The following RCOR1 variants were observed in gnomAD, a reference collection of about 807,000 sequenced individuals.
RCOR1 encodes REST corepressor 1, also known as REST corepressor.
In RCOR1, 12 loss-of-function variants were observed where a neutral mutation model predicts 64.0. The ratio of observed to expected loss-of-function variants is 0.19; its 90% confidence interval spans 0.12 to 0.30. RCOR1 has a LOEUF of 0.30. RCOR1 is among the 10% of genes least tolerant of loss of function. The pLI is 1.00. For synonymous variants in RCOR1, 279 were observed against 227.2 expected (o/e 1.23, Z -2.05); for missense variants, 502 against 621.2 (o/e 0.81, Z 2.04).
At chr14:102,622,305 C>T (rs778305543) in intron 2 of RCOR1, among the ~76,000 whole-genome samples, 6 of 152,136 alleles carry the variant, frequency 3.9e-5, no homozygotes, top group Non-Finnish European at 8.8e-5. Flanking sequence ...ACACTGCCAG[C>T]CCGAAGGCTT....
intron 3 of RCOR1, among the ~76,000 whole-genome samples, chr14:102,690,942 G>T (rs1308224392): frequency 6.6e-6 from 1 of 152,170 alleles, no homozygotes; most frequent in South Asian, 2.1e-4. Context: ...GGATTCCCCT[G>T]GATAGAGATT....
intron 3 of RCOR1, among the ~76,000 whole-genome samples, chr14:102,688,734 T>C (rs1567436395): frequency 1.3e-5 from 2 of 152,178 alleles, no homozygotes; most frequent in East Asian, 3.8e-4. Flanking sequence ...GGTGCACTGT[T>C]CCATCATTTA....
intron 2 of RCOR1, among the ~76,000 whole-genome samples, chr14:102,634,959 C>T (rs1215205526): frequency 1.3e-5 from 2 of 151,026 alleles, no homozygotes; most frequent in South Asian, 4.2e-4. Context: ...CCGCCCACCT[C>T]GGCCTCCCAA....
At chr14:102,686,984 C>A (rs1895434784) in intron 3 of RCOR1, among the ~76,000 whole-genome samples, 1 of 152,202 alleles carries the variant, frequency 6.6e-6, no homozygotes, top group Non-Finnish European at 1.5e-5. Context: ...GGACTTCATT[C>A]TTTTCAGTGT....
rs58262477 is a variant in RCOR1 at position 102,725,089 on chromosome 14, G to T, written c.1420-1379G>T. Among the ~76,000 whole-genome samples, 910 of 152,318 alleles carry T rather than the reference G, an allele frequency of 6.0e-3. 9 individuals carry two copies. Among genetic ancestry groups the T allele is most frequent in the African/African-American group, 0.021 (878 of 41,562 alleles). Reference sequence around the variant, plus strand: ...TCATAGTTATTTGACGTGGACAAGGGTGGGTTGGGAACAGTGTCATATCCA... The same window carrying T: ...TCATAGTTATTTGACGTGGACAAGGTTGGGTTGGGAACAGTGTCATATCCA... On this transcript the variant is annotated intron_variant, in intron 11 of 11. Transcript: ENST00000262241.
At chr14:102,677,544 G>T (rs1431476440) in intron 2 of RCOR1, among the ~76,000 whole-genome samples, 1 of 105,272 alleles carries the variant, frequency 9.5e-6, no homozygotes, top group African/African-American at 3.9e-5. Context: ...CAGCAGAGGC[G>T]CTCCTCACAT....
chr14:102,652,622 C>T (rs1364709843), intron 2 of RCOR1, among the ~76,000 whole-genome samples: 2 of 152,170 alleles, frequency 1.3e-5, no homozygotes, highest in Non-Finnish European at 2.9e-5. Context: ...TTCATTGAGA[C>T]TCTAATTTGG....
intron 2 of RCOR1, among the ~76,000 whole-genome samples, chr14:102,639,829 C>A (rs1191893513): frequency 1.1e-5 from 1 of 92,524 alleles, no homozygotes; most frequent in African/African-American, 3.9e-5. Flanking sequence ...CTGAGCTCAG[C>A]CTATTCATTC....
intron 2 of RCOR1, among the ~76,000 whole-genome samples, chr14:102,627,340 T>G (rs1166051299): frequency 6.6e-6 from 1 of 152,226 alleles, no homozygotes; most frequent in Non-Finnish European, 1.5e-5. Context: ...ATCAGCGTAT[T>G]AAACGGGCTA....
At chr14:102,647,096 A>G (rs1321660701) in intron 2 of RCOR1, among the ~76,000 whole-genome samples, 1 of 152,204 alleles carries the variant, frequency 6.6e-6, no homozygotes, top group Non-Finnish European at 1.5e-5. Context: ...ACAAATCTCC[A>G]CATTGAGCAG....
At position 102,721,143 on chromosome 14, in the gene RCOR1, T is replaced by G. The variant is rs1419089308; in HGVS notation, c.1131+59T>G. ...ATTCAAGTTTTACATGTTTAAGAAT[T>G]TAATATCGGTGTGATACATCCCCAG... On this transcript the variant is annotated intron_variant, in intron 9 of 11. Transcript: ENST00000262241. 3 of 1,156,988 alleles carry G rather than the reference T, an allele frequency of 2.6e-6. No homozygotes were observed. In the African/African-American group the frequency reaches 4.6e-5, roughly 18 times the overall value. The allele number at this position is 1,156,988 out of a possible 1,614,324, so 71.7% of individuals were successfully genotyped here.
At chr14:102,645,593 C>A (rs180845872) in intron 2 of RCOR1, among the ~76,000 whole-genome samples, 1 of 152,332 alleles carries the variant, frequency 6.6e-6, no homozygotes, top group East Asian at 1.9e-4. Context: ...GCAATTTCCA[C>A]CTGCCACCCA....
intron 2 of RCOR1, among the ~76,000 whole-genome samples, chr14:102,598,482 C>G (rs1390056707): frequency 1.5e-5 from 2 of 137,694 alleles, no homozygotes; most frequent in Non-Finnish European, 1.5e-5. Flanking sequence ...GTGTCTCGCT[C>G]TGTTGTCCAG....
intron 2 of RCOR1, among the ~76,000 whole-genome samples, chr14:102,653,977 TTC>T (rs1238815692): frequency 4.5e-5 from 2 of 44,014 alleles, no homozygotes; most frequent in African/African-American, 1.6e-4. Flanking sequence ...CTTTCTTTCT[TTC>T]TTTCTTTTTT....
chr14:102,716,248 ATTTTC>A, intron 8 of RCOR1, among the ~76,000 whole-genome samples: 1 of 151,430 alleles, frequency 6.6e-6, no homozygotes, highest in East Asian at 1.9e-4. Flanking sequence ...CAGGTTGCGT[ATTTTC>A]TTATTGGTTT....
intron 2 of RCOR1, among the ~76,000 whole-genome samples, chr14:102,633,851 C>G (rs1418657383): frequency 6.6e-6 from 1 of 152,068 alleles, no homozygotes; most frequent in African/African-American, 2.4e-5. Flanking sequence ...GGAGTTTGTT[C>G]TTAACAGAAT....
At chr14:102,635,844 A>G (rs1385999315) in intron 2 of RCOR1, among the ~76,000 whole-genome samples, 6 of 152,248 alleles carry the variant, frequency 3.9e-5, no homozygotes, top group Admixed American at 2.0e-4. Context: ...CCTAGCTGCT[A>G]AGGTGGGAAG....
At chr14:102,651,521 C>G (rs2139929929) in intron 2 of RCOR1, among the ~76,000 whole-genome samples, 1 of 150,146 alleles carries the variant, frequency 6.7e-6, no homozygotes, top group Non-Finnish European at 1.5e-5. Context: ...CCACTGCACT[C>G]TAGCCTGGGC....
chr14:102,680,244 C>T (rs2139959605), intron 2 of RCOR1, among the ~76,000 whole-genome samples: 1 of 152,106 alleles, frequency 6.6e-6, no homozygotes, highest in Non-Finnish European at 1.5e-5. Flanking sequence ...TACAACCTTA[C>T]TAAACTTGTT....
Sources: allele counts gnomAD v4.1 joint callset (sites outside exome capture counted in the v4.1 genomes callset), GRCh38; gene constraint gnomAD v4.1.1; transcripts MANE v1.5; gene names NCBI Gene and HGNC (gene_info 2026-07-23, HGNC 2026-07-21).